RBFOX1: variants seen among roughly 807,000 people sequenced by gnomAD.
The protein encoded by RBFOX1 is RNA binding fox-1 homolog 1, also known as RNA binding protein fox-1 homolog 1.
RBFOX1 carries 8 observed loss-of-function variants against 57.7 expected under a neutral mutation model. The ratio of observed to expected loss-of-function variants is 0.14; its 90% CI spans 0.08 to 0.25. The LOEUF (loss-of-function observed/expected upper bound fraction) is 0.25, where lower values mean the gene tolerates loss of function less well. RBFOX1 is among the 10% of genes least tolerant of loss of function. RBFOX1 has a pLI of 1.00. For missense variants in RBFOX1, 611 were observed against 548.5 expected (o/e 1.11, Z -1.14); for synonymous variants, 326 against 222.4 (o/e 1.47, Z -4.15).
rs2054970310 is a variant in RBFOX1 at position 5,798,962 on chromosome 16, A to G, written c.319-68341A>G. Among the ~76,000 whole-genome samples, 3 of 151,976 alleles carry G rather than the reference A, an allele frequency of 2.0e-5. No homozygotes were observed. In the South Asian group the frequency reaches 6.2e-4, roughly 32 times the overall value. On this transcript the variant is annotated intron_variant, in intron 3 of 19. Transcript: ENST00000641259. Reference sequence around the variant, plus strand: ...ACTCCTGCAAGATCTCGGGTGAGCCACTCTGAAACTCAGATCCTTCCTCTG... The same window carrying G: ...ACTCCTGCAAGATCTCGGGTGAGCCGCTCTGAAACTCAGATCCTTCCTCTG...
intron 1 of RBFOX1, among the ~76,000 whole-genome samples, chr16:6,218,322 T>C (rs528423101): frequency 6.6e-6 from 1 of 152,268 alleles, no homozygotes; most frequent in South Asian, 2.1e-4. Flanking sequence ...TATTTATTGT[T>C]TTTTGAGACA....
intron 4 of RBFOX1, among the ~76,000 whole-genome samples, chr16:7,201,517 A>C (rs2088470277): frequency 6.6e-6 from 1 of 150,664 alleles, no homozygotes; most frequent in African/African-American, 2.5e-5. Flanking sequence ...GCTGGAGTGC[A>C]ATGGCACAAT....
intron 1 of RBFOX1, among the ~76,000 whole-genome samples, chr16:6,217,734 G>A (rs2097345162): frequency 2.0e-5 from 3 of 152,194 alleles, no homozygotes; most frequent in Admixed American, 2.0e-4. Context: ...TGTTGCATAG[G>A]CTGGGCACAG....
chr16:6,142,630 C>G (rs2096727783), intron 1 of RBFOX1, among the ~76,000 whole-genome samples: 1 of 152,274 alleles, frequency 6.6e-6, no homozygotes, highest in Non-Finnish European at 1.5e-5. Flanking sequence ...AGATGAATGC[C>G]AGAAACAGAG....
At chr16:5,370,462 C>CT (rs34715441) in intron 1 of RBFOX1, among the ~76,000 whole-genome samples, 74,231 of 141,120 alleles carry the variant, frequency 0.53, 21,047 homozygotes, top group Middle Eastern at 0.7. Context: ...GCCTCCTCCT[C>CT]TTTTTTTTTT....
intron 2 of RBFOX1, among the ~76,000 whole-genome samples, chr16:6,514,093 C>A (rs1457403002): frequency 6.6e-6 from 1 of 152,176 alleles, no homozygotes; most frequent in African/African-American, 2.4e-5. Flanking sequence ...CAAGAATGAG[C>A]TTCCCTGTCA....
At chr16:5,487,879 G>C (rs1266005281) in intron 2 of RBFOX1, among the ~76,000 whole-genome samples, 1 of 152,102 alleles carries the variant, frequency 6.6e-6, no homozygotes, top group Non-Finnish European at 1.5e-5. Flanking sequence ...TAATGATGGT[G>C]GTGGTAGTGG....
At chr16:6,720,506 G>C (rs547337638) in intron 3 of RBFOX1, among the ~76,000 whole-genome samples, 7 of 152,324 alleles carry the variant, frequency 4.6e-5, no homozygotes, top group African/African-American at 1.7e-4. Flanking sequence ...GCCAGCCAGG[G>C]ATAATTCAGG....
chr16:6,151,115 C>G (rs1267456280), intron 1 of RBFOX1, among the ~76,000 whole-genome samples: 4 of 152,090 alleles, frequency 2.6e-5, no homozygotes, highest in African/African-American at 9.7e-5. Flanking sequence ...ATTCATCATC[C>G]CTCCATAAAT....
At chr16:5,779,704 C>T (rs1190452133) in intron 3 of RBFOX1, among the ~76,000 whole-genome samples, 2 of 152,118 alleles carry the variant, frequency 1.3e-5, no homozygotes, top group South Asian at 4.1e-4. Context: ...ACCCCCAACC[C>T]AAGTGGAATG....
Position 6,193,389 on chromosome 16 carries a change from ATACTATATATATATATATAT to A in RBFOX1, c.-126-123605_-126-123586del, listed in dbSNP as rs1567650964. Among the ~76,000 whole-genome samples the A allele has an allele frequency of 1.4e-3, 41 of 29,834 alleles. 1 individual carries two copies. The highest frequency in any genetic ancestry group is 3.5e-3 in the African/African-American group (39 of 11,102). 19.6% of individuals were successfully genotyped at this position (29,834 alleles called of 152,430 possible). On this transcript the variant is annotated intron_variant, in intron 1 of 15. Coordinates refer to ENST00000550418, the MANE Select transcript of RBFOX1 (RefSeq NM_018723.4). ...ATATATATATATACATTATATATAT[ATACTATATATATATATATAT>A]ATATATATATATATATAAAATTCAG...
At chr16:6,342,042 G>A (rs1487951089) in intron 2 of RBFOX1, among the ~76,000 whole-genome samples, 2 of 152,218 alleles carry the variant, frequency 1.3e-5, no homozygotes, top group Non-Finnish European at 2.9e-5. Flanking sequence ...TGTGGACACT[G>A]TTGGGGGGCC....
At chr16:6,723,357 A>C (rs1198640645) in intron 3 of RBFOX1, among the ~76,000 whole-genome samples, 1 of 152,000 alleles carries the variant, frequency 6.6e-6, no homozygotes, top group Non-Finnish European at 1.5e-5. Context: ...TATAACATTG[A>C]GTATAGCATG....
chr16:6,115,270 G>A (rs1224365932), intron 1 of RBFOX1, among the ~76,000 whole-genome samples: 1 of 152,188 alleles, frequency 6.6e-6, no homozygotes, highest in Non-Finnish European at 1.5e-5. Flanking sequence ...GCATAATGTG[G>A]AGTATAAACT....
chr16:7,095,324 G>T (rs146859030), intron 4 of RBFOX1, among the ~76,000 whole-genome samples: 3 of 152,094 alleles, frequency 2.0e-5, no homozygotes, highest in African/African-American at 7.2e-5. Flanking sequence ...TTTTAGTAGA[G>T]ACTGGGTTTC....
chr16:5,788,120 G>A (rs1190171217), intron 3 of RBFOX1, among the ~76,000 whole-genome samples: 4 of 152,176 alleles, frequency 2.6e-5, no homozygotes, highest in Non-Finnish European at 5.9e-5. Context: ...TTCGACTGCT[G>A]AAAACATCAT....
At chr16:5,467,155 A>C (rs1400634236) in intron 1 of RBFOX1, 1 of 1,399,748 alleles carries the variant, frequency 7.1e-7, no homozygotes, top group African/African-American at 1.5e-5. Flanking sequence ...CAATTGTTTC[A>C]ATGTAGACTC....
At chr16:7,034,622 A>G (rs1006592517) in intron 3 of RBFOX1, among the ~76,000 whole-genome samples, 19 of 151,824 alleles carry the variant, frequency 1.3e-4, no homozygotes, top group African/African-American at 3.4e-4. Context: ...TTTTGTGTCT[A>G]TCTCATTGAA....
At chr16:7,162,406 G>T (rs1026610256) in intron 4 of RBFOX1, among the ~76,000 whole-genome samples, 2 of 151,782 alleles carry the variant, frequency 1.3e-5, no homozygotes, top group Non-Finnish European at 2.9e-5. Flanking sequence ...ATTTTATGAT[G>T]CTCCATTGTG....
Sources: allele counts gnomAD v4.1 joint callset (sites outside exome capture counted in the v4.1 genomes callset), GRCh38; gene constraint gnomAD v4.1.1; transcripts MANE v1.5; gene names NCBI Gene and HGNC (gene_info 2026-07-23, HGNC 2026-07-21).